YME1L1: variants seen among roughly 807,000 people sequenced by gnomAD.
The protein encoded by YME1L1 is ATP-dependent zinc metalloprotease YME1L1.
A neutral mutation model predicts 90.4 loss-of-function variants in YME1L1; 39 were observed. That is an observed-to-expected ratio of 0.43 (90% confidence interval 0.33 to 0.56). The LOEUF (loss-of-function observed/expected upper bound fraction) is 0.56, where lower values mean the gene tolerates loss of function less well. YME1L1 is among the 20% of genes least tolerant of loss of function. The pLI, the probability that YME1L1 is intolerant of heterozygous loss-of-function variation, is 0.03. For missense variants in YME1L1, 617 were observed against 868.4 expected, an observed-to-expected ratio of 0.71 and a Z score of 3.64; for synonymous variants, 284 against 287.3, an observed-to-expected ratio of 0.99 and a Z score of 0.12.
At chr10:27,137,785 A>AT (rs1349738178) in intron 4 of YME1L1, among the ~76,000 whole-genome samples, 1 of 151,878 alleles carries the variant, frequency 6.6e-6, no homozygotes, top group Non-Finnish European at 1.5e-5. Context: ...TCCTTTGCAC[A>AT]TTTTTCCATT....
chr10:27,140,511 G>A (rs1227069972), intron 4 of YME1L1, among the ~76,000 whole-genome samples: 18 of 152,030 alleles, frequency 1.2e-4, no homozygotes, highest in South Asian at 2.1e-4. Flanking sequence ...ACGGAGTCTC[G>A]CTCTGTTGCC....
rs753432173 is a variant in YME1L1, at chr10:27,147,499, G to A, written c.168+1407C>T. 4 of 1,613,078 alleles carry A rather than the reference G, an allele frequency of 2.5e-6. No individual in the cohort carries two copies. The East Asian group carries it at 8.9e-5, about 36-fold the overall frequency. On this transcript the variant is annotated intron_variant, in intron 2 of 18. Transcript: ENST00000376016. The stretch of plus-strand genomic sequence containing the variant: ...CATTTGGAGAAACCCGCAGTGTACA[G>A]GGATTGAGAGGGAGAAGGGTTCTGG...
At chr10:27,153,177 A>G (rs1346931116) in intron 1 of YME1L1, 1 of 470,486 alleles carries the variant, frequency 2.1e-6, no homozygotes, top group African/African-American at 2.0e-5. Context: ...TCCTACTCAT[A>G]TTTACTTCAT....
chr10:27,130,809 C>T (rs543895410), intron 8 of YME1L1, among the ~76,000 whole-genome samples: 2 of 152,230 alleles, frequency 1.3e-5, no homozygotes, highest in Non-Finnish European at 2.9e-5. Context: ...GCCGAGATCA[C>T]GCCATTGCAC....
intron 8 of YME1L1, among the ~76,000 whole-genome samples, chr10:27,129,755 A>ACTAGT (rs1554805210): frequency 1.4e-4 from 22 of 151,880 alleles, no homozygotes; most frequent in Non-Finnish European, 3.1e-4. Context: ...ACTCATTTTG[A>ACTAGT]CTTAATATAA....
At chr10:27,143,916 C>T (rs1313714705) in intron 3 of YME1L1, among the ~76,000 whole-genome samples, 1 of 152,100 alleles carries the variant, frequency 6.6e-6, no homozygotes, top group Admixed American at 6.6e-5. Context: ...TTCACTGATC[C>T]TTCCTAACTG....
At chr10:27,147,882 A>G (rs2057163451) in intron 2 of YME1L1, among the ~76,000 whole-genome samples, 1 of 152,156 alleles carries the variant, frequency 6.6e-6, no homozygotes, top group Non-Finnish European at 1.5e-5. Flanking sequence ...ATCCCCAGGA[A>G]CAGCTTTTCC....
chr10:27,136,502 C>T, intron 4 of YME1L1, 117 bp from the exon 5 acceptor site: 1 of 773,526 alleles, frequency 1.3e-6, no homozygotes, highest in Non-Finnish European at 2.1e-6. Context: ...ATTTGCCTGA[C>T]ACTTCAATAC....
At chr10:27,112,244 T>C in intron 18 of YME1L1, 124 bp from the exon 19 acceptor site, 2 of 877,060 alleles carry the variant, frequency 2.3e-6, no homozygotes, top group Non-Finnish European at 3.4e-6. Flanking sequence ...ATTTATAAAA[T>C]CATGTAGAAT....
rs1413203534 is a variant in YME1L1 at position 27,126,684 on chromosome 10, A to G, written c.949+12T>C. On this transcript the variant is annotated intron_variant, in intron 9 of 18. Coordinates refer to ENST00000376016, the MANE Select transcript of YME1L1 (RefSeq NM_014263.4). ...TTTTCCATCAAATCATGATAAAGAA[A>G]AGATATCTTACCTTTTGGAAGTTTA... The G allele has an allele frequency of 7.1e-7, 1 of 1,401,370 alleles. No homozygotes were observed. The highest frequency in any genetic ancestry group is 1.4e-5 in the South Asian group (1 of 73,652). The allele number at this position is 1,401,370 out of a possible 1,614,324, so 86.8% of individuals were successfully genotyped here.
At position 27,142,351 on chromosome 10, in the gene YME1L1, T is replaced by C. The variant is rs550844715; in HGVS notation, c.430+36A>G. 2.0e-4 allele frequency: 229 copies of C among 1,169,334 alleles called. 3 individuals carry two copies. The South Asian group carries it at 4.1e-3, about 21-fold the overall frequency. 72.4% of individuals were successfully genotyped at this position (1,169,334 alleles called of 1,614,324 possible). On this transcript the variant is annotated intron_variant, in intron 4 of 18. Transcript: ENST00000376016. The stretch of plus-strand genomic sequence containing the variant: ...CAAATCAGACTATAGTAAATAAATA[T>C]TTTTTTTTCCACAATTTATGGTTGT...
chr10:27,125,961 GC>G (rs1263237833), intron 9 of YME1L1, among the ~76,000 whole-genome samples: 1 of 152,086 alleles, frequency 6.6e-6, no homozygotes, highest in Non-Finnish European at 1.5e-5. Flanking sequence ...AAAGGCGTGA[GC>G]CACCACACCC....
At chr10:27,126,954 G>A (rs1358540854) in intron 8 of YME1L1, among the ~76,000 whole-genome samples, 168 bp from the exon 9 acceptor site, 9 of 152,108 alleles carry the variant, frequency 5.9e-5, no homozygotes, top group Non-Finnish European at 1.5e-5. Context: ...AAAACAAAGG[G>A]TTTTCCCCTG....
intron 4 of YME1L1, among the ~76,000 whole-genome samples, chr10:27,142,036 G>A (rs1028672476): frequency 6.7e-6 from 1 of 149,718 alleles, no homozygotes. Context: ...TTAACGGAAC[G>A]CTTCTGTTGT....
chr10:27,143,136 G>C (rs949620834), intron 3 of YME1L1, among the ~76,000 whole-genome samples: 4 of 152,024 alleles, frequency 2.6e-5, no homozygotes, highest in Non-Finnish European at 5.9e-5. Flanking sequence ...TTGGGAGGCA[G>C]AGGTGGGTGG....
chr10:27,136,498 C>A, intron 4 of YME1L1, 113 bp from the exon 5 acceptor site: 1 of 827,608 alleles, frequency 1.2e-6, no homozygotes, highest in South Asian at 1.7e-5. Flanking sequence ...TCTAATTTGC[C>A]TGACACTTCA....
chr10:27,137,319 A>G (rs1397224069), intron 4 of YME1L1, among the ~76,000 whole-genome samples: 1 of 152,224 alleles, frequency 6.6e-6, no homozygotes, highest in Non-Finnish European at 1.5e-5. Context: ...AGAACAGTGC[A>G]TTCAGTTTAA....
chr10:27,133,956 T>C, intron 7 of YME1L1, 83 bp downstream of exon 7: 1 of 963,082 alleles, frequency 1.0e-6, no homozygotes, highest in South Asian at 1.6e-5. Flanking sequence ...ATGTTCTTTC[T>C]TTAAGGGTTA....
intron 5 of YME1L1, 133 bp from the exon 6 acceptor site, chr10:27,135,114 C>A (rs1394007089): frequency 3.9e-6 from 3 of 769,798 alleles, no homozygotes; most frequent in Non-Finnish European, 6.0e-6. Flanking sequence ...CAGATTAAGA[C>A]TCAGCAATGA....
Sources: allele counts gnomAD v4.1 joint callset (sites outside exome capture counted in the v4.1 genomes callset), GRCh38; gene constraint gnomAD v4.1.1; transcripts MANE v1.5; gene names NCBI Gene and HGNC (gene_info 2026-07-23, HGNC 2026-07-21).